The following GABRA3 variants were observed in gnomAD, a reference collection of about 807,000 sequenced individuals.
GABRA3 encodes the protein gamma-aminobutyric acid receptor subunit alpha-3.
In GABRA3, 10 loss-of-function variants were observed where a neutral mutation model predicts 30.1. The observed-to-expected ratio is 0.33, with a 90% CI of 0.20 to 0.56. The LOEUF (loss-of-function observed/expected upper bound fraction) is 0.56, where lower values mean the gene tolerates loss of function less well. GABRA3 is among the 20% of genes least tolerant of loss of function. GABRA3 has a pLI of 0.89. For missense variants in GABRA3, 233 were observed against 392.0 expected (o/e 0.59, Z 3.42); for synonymous variants, 151 against 146.8 (o/e 1.03, Z -0.21).
At chrX:152,214,985 TACAC>T (rs1199022221) in intron 6 of GABRA3, among the ~76,000 whole-genome samples, 1 of 106,886 alleles carries the variant, frequency 9.4e-6, no homozygotes, top group Non-Finnish European at 1.9e-5. Flanking sequence ...GATATATGTA[TACAC>T]ACACACACAC....
At chrX:152,175,694 C>T (rs1021657936) in intron 9 of GABRA3, among the ~76,000 whole-genome samples, 2 of 111,434 alleles carry the variant, frequency 1.8e-5, no homozygotes, top group African/African-American at 6.5e-5. Context: ...GTGAAAAGAT[C>T]TCAACAATAA....
At chrX:152,291,397 TAAG>T (rs1939414173) in intron 3 of GABRA3, among the ~76,000 whole-genome samples, 1 of 112,106 alleles carries the variant, frequency 8.9e-6, no homozygotes, top group Admixed American at 9.5e-5. Flanking sequence ...CTTATCATCT[TAAG>T]GAGATTTTGG....
chrX:152,364,408 T>C lies in GABRA3; in HGVS notation c.140+23A>G, dbSNP rs199945107. 1.0e-4 allele frequency: 124 copies of C among 1,193,769 alleles called. 1 individual carries two copies. The East Asian group carries it at 3.5e-3, about 34-fold the overall frequency. ...AAACATTTATCACAGTCTTCTTTCA[T>C]CCTAAGAGTTAGGGGTTCTTACCCG... On this transcript the variant is annotated intron_variant, in intron 2 of 9. Coordinates refer to ENST00000370314, the MANE Select transcript of GABRA3 (RefSeq NM_000808.4).
intron 2 of GABRA3, among the ~76,000 whole-genome samples, chrX:152,356,691 A>G (rs977110228): frequency 9.9e-5 from 11 of 111,310 alleles, no homozygotes; most frequent in African/African-American, 3.6e-4. Context: ...TTCGTCACCC[A>G]GGTAATAAGC....
intron 1 of GABRA3, among the ~76,000 whole-genome samples, chrX:152,397,805 C>T (rs753740299): frequency 9.0e-6 from 1 of 111,579 alleles, no homozygotes; most frequent in African/African-American, 3.3e-5. Flanking sequence ...ATTTATGGAT[C>T]GGGCACAATA....
intron 5 of GABRA3, among the ~76,000 whole-genome samples, chrX:152,246,547 A>G (rs1042316951): frequency 9.0e-6 from 1 of 111,662 alleles, no homozygotes; most frequent in African/African-American, 3.3e-5. Flanking sequence ...TGAAACTTCC[A>G]TTATGCCTTT....
intron 4 of GABRA3, among the ~76,000 whole-genome samples, chrX:152,261,093 T>A (rs1306383509): frequency 9.1e-6 from 1 of 110,172 alleles, no homozygotes; most frequent in Non-Finnish European, 1.9e-5. Context: ...AAGCCACTTA[T>A]AAAACCATCA....
intron 3 of GABRA3, among the ~76,000 whole-genome samples, chrX:152,326,824 T>C (rs750608460): frequency 1.8e-5 from 2 of 111,196 alleles, no homozygotes; most frequent in South Asian, 7.7e-4. Flanking sequence ...GCTAACATCA[T>C]AATGACAGGA....
intron 4 of GABRA3, among the ~76,000 whole-genome samples, chrX:152,280,170 G>T (rs748991805): frequency 7.2e-5 from 8 of 111,345 alleles, no homozygotes; most frequent in African/African-American, 2.6e-4. Context: ...TGGTGAGAGA[G>T]GGCATCCCTC....
intron 1 of GABRA3, among the ~76,000 whole-genome samples, chrX:152,422,948 A>G (rs1335639397): frequency 8.9e-6 from 1 of 111,918 alleles, no homozygotes; most frequent in African/African-American, 3.2e-5. Context: ...CAATGTATAC[A>G]TATTTCAAAA....
chrX:152,314,288 ATCATATATTGC>A (rs1939840163), intron 3 of GABRA3, among the ~76,000 whole-genome samples: 1 of 111,975 alleles, frequency 8.9e-6, no homozygotes, highest in Non-Finnish European at 1.9e-5. Flanking sequence ...GAGGGCAGGA[ATCATATATTGC>A]TCATTTGTAC....
At chrX:152,195,473 A>T (rs762536778) in intron 8 of GABRA3, among the ~76,000 whole-genome samples, 3 of 112,028 alleles carry the variant, frequency 2.7e-5, no homozygotes, top group African/African-American at 9.7e-5. Context: ...ACAATTCTTG[A>T]TGCTAGAAGG....
chrX:152,250,356 C>G (rs758900905), intron 5 of GABRA3, among the ~76,000 whole-genome samples: 1 of 111,313 alleles, frequency 9.0e-6, no homozygotes, highest in Non-Finnish European at 1.9e-5. Context: ...ACATAGTAAG[C>G]ACTCGTGAAT....
intron 2 of GABRA3, among the ~76,000 whole-genome samples, chrX:152,350,929 G>A (rs1288903991): frequency 1.8e-5 from 2 of 112,033 alleles, no homozygotes; most frequent in Admixed American, 9.5e-5. Flanking sequence ...CAAAGCTCTT[G>A]GGTGACCAGG....
chrX:152,293,269 CTCT>C (rs1427413839), intron 3 of GABRA3, among the ~76,000 whole-genome samples: 2 of 111,558 alleles, frequency 1.8e-5, no homozygotes, highest in Admixed American at 1.9e-4. Flanking sequence ...GGATACTTAG[CTCT>C]TCTTGTTGAA....
At chrX:152,249,087 A>G (rs73621190) in intron 5 of GABRA3, among the ~76,000 whole-genome samples, 21,711 of 110,379 alleles carry the variant, frequency 0.2, 2,104 homozygotes, top group African/African-American at 0.38. Flanking sequence ...CTATTTGGCT[A>G]TATTTCCTAC....
intron 6 of GABRA3, among the ~76,000 whole-genome samples, chrX:152,208,904 T>C (rs1937605672): frequency 9.0e-6 from 1 of 111,403 alleles, no homozygotes; most frequent in Non-Finnish European, 1.9e-5. Flanking sequence ...TTTACCTAGC[T>C]TCAGGTATTC....
chrX:152,335,642 T>A (rs184868246), intron 3 of GABRA3, among the ~76,000 whole-genome samples: 214 of 112,271 alleles, frequency 1.9e-3, no homozygotes, highest in African/African-American at 6.7e-3. Context: ...GATTTAAGTG[T>A]ACAAGTGCAG....
chrX:152,226,884 C>T (rs1438220713), intron 5 of GABRA3, among the ~76,000 whole-genome samples: 6 of 111,801 alleles, frequency 5.4e-5, no homozygotes, highest in Admixed American at 9.5e-5. Flanking sequence ...CAGGAAACAA[C>T]AGGTACTGGA....
Sources: allele counts gnomAD v4.1 joint callset (sites outside exome capture counted in the v4.1 genomes callset), GRCh38; gene constraint gnomAD v4.1.1; transcripts MANE v1.5; gene names NCBI Gene and HGNC (gene_info 2026-07-23, HGNC 2026-07-21).